Variants in BRCA1 observed in about 807,000 individuals in gnomAD.
BRCA1 encodes the protein breast cancer type 1 susceptibility protein.
A neutral mutation model predicts 173.7 loss-of-function variants in BRCA1; 140 were observed. The ratio of observed to expected loss-of-function variants is 0.81; its 90% CI spans 0.70 to 0.93. The LOEUF (loss-of-function observed/expected upper bound fraction) is 0.93, where lower values mean the gene tolerates loss of function less well. Among genes scored for constraint, BRCA1 ranks in the 40% least tolerant of loss-of-function variants. The pLI is 0.00. For synonymous variants in BRCA1, 662 were observed against 756.0 expected, an observed-to-expected ratio of 0.88 and a Z score of 2.04; for missense variants, 1,983 against 2,172.5, an observed-to-expected ratio of 0.91 and a Z score of 1.73.
intron 12 of BRCA1, 150 bp downstream of exon 12, chr17:43,082,254 G>T (rs2053031131): frequency 1.1e-6 from 1 of 880,228 alleles, no homozygotes; most frequent in Non-Finnish European, 1.7e-6. Context: ...TATTAGTTGT[G>T]AGCAGGGACA....
Position 43,104,661 on chromosome 17 carries a change from A to G in BRCA1, c.301+207T>C, listed in dbSNP as rs2054659442. Reference sequence around the variant, plus strand: ...AAATGTTCCCAATTTCAGAGATGTTAAGATGTGAAAAATGTGCACCTTACG... The same window carrying G: ...AAATGTTCCCAATTTCAGAGATGTTGAGATGTGAAAAATGTGCACCTTACG... On this transcript the variant is annotated intron_variant, in intron 5 of 22. Transcript: ENST00000357654. Among the ~76,000 whole-genome samples the G allele has an allele frequency of 2.0e-5, 3 of 152,356 alleles. 1 individual carries two copies. In the South Asian group the frequency reaches 6.2e-4, roughly 32 times the overall value.
chr17:43,045,533 C>A lies in BRCA1; in HGVS notation c.*145G>T. ...AAGGGACCCTTGCATAGCCAGAAGT[C>A]CTTTTCAGGCTGATGTACATAAAAT... On this transcript the variant is annotated 3_prime_UTR_variant, in exon 23 of 23. Transcript: ENST00000357654. The A allele has an allele frequency of 7.8e-7, 1 of 1,284,032 alleles. No individual in the cohort carries two copies. The highest frequency in any genetic ancestry group is 1.1e-6 in the Non-Finnish European group (1 of 904,852). 79.5% of individuals were successfully genotyped at this position (1,284,032 alleles called of 1,614,324 possible).
intron 1 of BRCA1, chr17:43,140,183 G>A (rs530179310): frequency 8.2e-5 from 24 of 292,712 alleles, no homozygotes; most frequent in South Asian, 7.3e-4. Context: ...GAGCTGCTGG[G>A]TTGGCGAACA....
chr17:43,128,329 C>T (rs1375529861), upstream of BRCA1, among the ~76,000 whole-genome samples: 1 of 152,238 alleles, frequency 6.6e-6, no homozygotes, highest in Non-Finnish European at 1.5e-5. Flanking sequence ...CCGCAAAGGT[C>T]TGCAGCTTCA....
At chr17:43,071,968 A>AT (rs1421023672) in intron 14 of BRCA1, among the ~76,000 whole-genome samples, 2 of 151,996 alleles carry the variant, frequency 1.3e-5, no homozygotes, top group Non-Finnish European at 2.9e-5. Flanking sequence ...AGATTGAGCC[A>AT]TTGCATTCCA....
intron 1 of BRCA1, among the ~76,000 whole-genome samples, chr17:43,141,728 C>T (rs1206517945): frequency 6.6e-6 from 1 of 150,532 alleles, no homozygotes; most frequent in East Asian, 2.0e-4. Context: ...AGGAGAATGG[C>T]GTGAACCTGG....
At chr17:43,138,672 G>A in intron 1 of BRCA1, 4 of 778,864 alleles carry the variant, frequency 5.1e-6, no homozygotes, top group Non-Finnish European at 9.6e-6. Context: ...GGAAGCCCAG[G>A]AAGCACACAT....
intron 1 of BRCA1, chr17:43,166,188 CTCTG>C (rs1315641969): frequency 1.1e-4 from 16 of 151,786 alleles, no homozygotes; most frequent in South Asian, 2.1e-4. Context: ...ATCCTTGACT[CTCTG>C]TCTGTCTCTT....
At position 43,093,030 on chromosome 17, in the gene BRCA1, C is replaced by T. The variant is rs757383244; in HGVS notation, c.2501G>A (p.Gly834Glu). 6.8e-6 allele frequency: 11 copies of T among 1,613,830 alleles called. No homozygotes were observed. In the South Asian group the frequency reaches 9.9e-5, roughly 14 times the overall value. The change falls in exon 10 of 23, where the codon GGA becomes GAA. Residue 834 changes from glycine to glutamate, a missense_variant. Coordinates refer to ENST00000357654, the MANE Select transcript of BRCA1 (RefSeq NM_007294.4). ...NDTEGFKYPL[G>E]HEVNHSRETS... is the part of the protein sequence containing the mutation. ...TTCCCGACTGTGGTTAACTTCATGTCCCAATGGATACTTAAAGCCTTCTGT... is the reference window on the plus strand; with the variant it reads ...TTCCCGACTGTGGTTAACTTCATGTTCCAATGGATACTTAAAGCCTTCTGT...
At chr17:43,152,748 G>T (rs779047570) in intron 1 of BRCA1, among the ~76,000 whole-genome samples, 1 of 152,134 alleles carries the variant, frequency 6.6e-6, no homozygotes, top group Non-Finnish European at 1.5e-5. Flanking sequence ...CCAGCTACTT[G>T]GGAGGCTGAG....
intron 14 of BRCA1, among the ~76,000 whole-genome samples, chr17:43,073,963 G>T (rs1369661184): frequency 6.6e-6 from 1 of 151,944 alleles, no homozygotes; most frequent in Admixed American, 6.6e-5. Context: ...CACCATGTTG[G>T]CCAGACAGGT....
At chr17:43,065,367 C>T (rs966490390) in intron 16 of BRCA1, among the ~76,000 whole-genome samples, 1 of 152,016 alleles carries the variant, frequency 6.6e-6, no homozygotes, top group African/African-American at 2.4e-5. Flanking sequence ...GCCTGTATCT[C>T]TGTGAAAAGA....
intron 16 of BRCA1, among the ~76,000 whole-genome samples, chr17:43,064,639 A>AAGC (rs796218625): frequency 5.8e-4 from 89 of 152,182 alleles, no homozygotes; most frequent in African/African-American, 1.3e-3. Context: ...GGCTATCTGC[A>AAGC]AGCAGCAGCA....
At chr17:43,086,290 T>G (rs1283377076) in intron 11 of BRCA1, among the ~76,000 whole-genome samples, 1 of 152,156 alleles carries the variant, frequency 6.6e-6, no homozygotes, top group Non-Finnish European at 1.5e-5. Context: ...TTTGTCTCCC[T>G]AATGCCTAGC....
At chr17:43,115,700 G>A (rs1419850756) in intron 3 of BRCA1, 26 bp downstream of exon 3, 1 of 1,607,482 alleles carries the variant, frequency 6.2e-7, no homozygotes, top group Non-Finnish European at 8.5e-7. Context: ...GCTAATAATG[G>A]AGCCACATAA....
At position 43,075,488 on chromosome 17, in the gene BRCA1, C is replaced by T. The variant is rs141326951; in HGVS notation, c.4485-967G>A. ...AATTAATTTAAACAATTATTGGGTG[C>T]TTACTATGGGTCAAATACTAAGGCT... On this transcript the variant is annotated intron_variant, in intron 13 of 22. Coordinates refer to ENST00000357654, the MANE Select transcript of BRCA1 (RefSeq NM_007294.4). Among the ~76,000 whole-genome samples the T allele has an allele frequency of 9.5e-4, 144 of 152,122 alleles. 2 individuals are homozygous for T. Among genetic ancestry groups the T allele is most frequent in the Admixed American group, 1.8e-3 (28 of 15,270 alleles).
chr17:43,056,701 A>AAG (rs151321765), intron 19 of BRCA1, among the ~76,000 whole-genome samples: 37 of 150,940 alleles, frequency 2.5e-4, no homozygotes, highest in Non-Finnish European at 3.5e-4. Context: ...GAGAGAGAGC[A>AAG]AGAGAGAGAG....
chr17:43,094,086 A>G lies in BRCA1; in HGVS notation c.1445T>C (p.Ile482Thr), dbSNP rs1327980486. 6.2e-7 allele frequency: 1 copy of G among 1,614,074 alleles called. No homozygotes were observed. The highest frequency in any genetic ancestry group is 8.5e-7 in the Non-Finnish European group (1 of 1,180,000). Residue 482 changes from isoleucine (I) to threonine (T), a missense_variant, in exon 10 of 23, where the codon ATT (isoleucine) becomes ACT (threonine). By Grantham distance (89) the Ile-to-Thr change is moderately conservative. Transcript: ENST00000357654. Reference protein sequence around the residue: ...PNLSHVTENLIIGAFVTEPQI... With the variant: ...PNLSHVTENLTIGAFVTEPQI... ...TGGCTCAGTAACAAATGCTCCTATA[A>G]TTAGATTTTCAGTTACATGGCTTAA...
chr17:43,066,498 C>T (rs796704325), intron 16 of BRCA1, among the ~76,000 whole-genome samples: 30 of 152,170 alleles, frequency 2.0e-4, no homozygotes, highest in African/African-American at 7.2e-4. Context: ...GCAACCTCAG[C>T]CTCCAGAGTT....
Sources: gnomAD v4.1 joint callset for allele counts (sites outside exome capture counted in the v4.1 genomes callset) on GRCh38, gnomAD v4.1.1 for gene constraint, MANE v1.5 for transcripts, NCBI Gene and HGNC (gene_info 2026-07-23, HGNC 2026-07-21) for gene names.